Variants in ATG3 observed in about 807,000 individuals in gnomAD.
ATG3 encodes autophagy related 3, also known as ubiquitin-like-conjugating enzyme ATG3.
In ATG3, 25 loss-of-function variants were observed where a neutral mutation model predicts 50.7. The ratio of observed to expected loss-of-function variants is 0.49; its 90% CI spans 0.36 to 0.69. The LOEUF is 0.69. ATG3 is among the 30% of genes least tolerant of loss of function. The probability of loss-of-function intolerance (pLI) is 0.00; values close to 1 mark genes in which losing one functional copy is unlikely to be tolerated. For missense variants in ATG3, 281 were observed against 376.0 expected (o/e 0.75, Z 2.09); for synonymous variants, 119 against 125.5 (o/e 0.95, Z 0.34).
chr3:112,544,064 T>G lies in ATG3; in HGVS notation c.386A>C (p.Glu129Ala). ...TAACTAATTAACCAGTACCTTATTTTCCAGTGTGATCTCTTTAACGGCTTC... is the reference window on the plus strand; with the variant it reads ...TAACTAATTAACCAGTACCTTATTTGCCAGTGTGATCTCTTTAACGGCTTC... ...ITEAVKEITL[E>A]NKDNIRLQDC... is the part of the protein sequence containing the mutation. Residue 129 changes from glutamate (E) to alanine (A), a missense_variant, in exon 6 of 12, where the codon GAA becomes GCA. Glu to Ala is a moderately radical substitution (Grantham distance 107). Transcript: ENST00000283290. 1.3e-6 allele frequency: 2 copies of G among 1,597,714 alleles called. No individual in the cohort carries two copies. The highest frequency in any genetic ancestry group is 1.7e-6 in the Non-Finnish European group (2 of 1,166,158).
At chr3:112,543,929 A>C in intron 6 of ATG3, 128 bp downstream of exon 6, 1 of 605,106 alleles carries the variant, frequency 1.7e-6, no homozygotes. Context: ...GGAATTTAAA[A>C]GAGCTTGATA....
chr3:112,538,132 C>A lies in ATG3; in HGVS notation c.510+14G>T. ...TCCATTAAAAATTAACTAAAGAAAA[C>A]TCAATTTACAAACCTCATCTGTTTC... On this transcript the variant is annotated intron_variant, in intron 8 of 11. Transcript: ENST00000283290. The A allele has an allele frequency of 6.4e-7, 1 of 1,558,282 alleles. No homozygotes were observed.
At chr3:112,550,414 A>G in intron 3 of ATG3, 152 bp from the exon 4 acceptor site, 1 of 610,548 alleles carries the variant, frequency 1.6e-6, no homozygotes, top group Non-Finnish European at 2.8e-6. Flanking sequence ...CCATTAAGTA[A>G]TACATGTCAG....
At chr3:112,541,436 TAGAA>T (rs1377136771) in intron 7 of ATG3, among the ~76,000 whole-genome samples, 1 of 151,900 alleles carries the variant, frequency 6.6e-6, no homozygotes, top group African/African-American at 2.4e-5. Flanking sequence ...CAGGTTTTAA[TAGAA>T]AGATGCTATC....
At position 112,561,556 on chromosome 3, in the gene ATG3, G is replaced by A. The variant is rs1306051754; in HGVS notation, c.-28C>T. On this transcript the variant is annotated 5_prime_UTR_variant, in exon 1 of 12. Coordinates refer to ENST00000283290, the MANE Select transcript of ATG3 (RefSeq NM_022488.5). Reference sequence around the variant, plus strand: ...TGGGGCCGGAGTAGCGGCCGGCCCCGCGACGGGATGGAAAGTGCAGCCGTG... The same window carrying A: ...TGGGGCCGGAGTAGCGGCCGGCCCCACGACGGGATGGAAAGTGCAGCCGTG... 5.6e-6 allele frequency: 9 copies of A among 1,601,130 alleles called. No individual in the cohort carries two copies. Among genetic ancestry groups the A allele is most frequent in the Admixed American group, 5.1e-5 (3 of 59,368 alleles).
At chr3:112,550,409 A>G in intron 3 of ATG3, 147 bp from the exon 4 acceptor site, 1 of 625,990 alleles carries the variant, frequency 1.6e-6, no homozygotes, top group Non-Finnish European at 2.7e-6. Flanking sequence ...GGACTCCATT[A>G]AGTAATACAT....
At chr3:112,548,737 T>C in intron 4 of ATG3, 97 bp from the exon 5 acceptor site, 1 of 971,576 alleles carries the variant, frequency 1.0e-6, no homozygotes, top group East Asian at 2.5e-5. Context: ...ATAGGGTGTT[T>C]ATACCACCAA....
chr3:112,554,573 T>A (rs1223907546), intron 2 of ATG3, among the ~76,000 whole-genome samples: 1 of 152,222 alleles, frequency 6.6e-6, no homozygotes, highest in African/African-American at 2.4e-5. Flanking sequence ...ATAAACAGCC[T>A]TGTTGCTCAC....
At chr3:112,536,442 T>A (rs1393187120) in intron 10 of ATG3, 33 bp downstream of exon 10, 2 of 1,601,598 alleles carry the variant, frequency 1.2e-6, no homozygotes, top group Admixed American at 3.3e-5. Flanking sequence ...TACAATCACA[T>A]CAAAAAATAT....
chr3:112,552,683 T>G lies in ATG3; in HGVS notation c.164+597A>C, dbSNP rs537370448. Among the ~76,000 whole-genome samples, 200 of 149,708 alleles carry G rather than the reference T, an allele frequency of 1.3e-3. 1 individual carries two copies. The highest frequency in any genetic ancestry group is 4.7e-3 in the African/African-American group (191 of 40,798). ...TTTTTTTGAGACGGGAGCCTCTCAC[T>G]CTGTTGCCCAGGCTGGAGTGCAGTG... is the stretch of plus-strand genomic sequence containing the variant. On this transcript the variant is annotated intron_variant, in intron 3 of 11. Coordinates refer to ENST00000283290, the MANE Select transcript of ATG3 (RefSeq NM_022488.5).
intron 11 of ATG3, chr3:112,533,104 T>C: frequency 1.0e-6 from 1 of 1,000,918 alleles, no homozygotes. Flanking sequence ...ACTAGACTCC[T>C]TTAAGTTTGC....
intron 7 of ATG3, chr3:112,538,414 T>C: frequency 2.2e-6 from 1 of 444,604 alleles, no homozygotes; most frequent in Non-Finnish European, 4.0e-6. Context: ...GAGTCCTCAG[T>C]GGCTCCACAG....
intron 2 of ATG3, among the ~76,000 whole-genome samples, chr3:112,555,932 C>T (rs529587066): frequency 2.1e-4 from 32 of 152,314 alleles, no homozygotes; most frequent in Admixed American, 2.1e-3. Context: ...CCAATGACCA[C>T]AGACTTTGCA....
chr3:112,534,423 A>G, intron 10 of ATG3, 86 bp from the exon 11 acceptor site: 3 of 1,087,560 alleles, frequency 2.8e-6, no homozygotes, highest in Non-Finnish European at 3.8e-6. Flanking sequence ...AAAGAAATCG[A>G]CCCTATTACT....
Position 112,561,567 on chromosome 3 carries a change from G to T in ATG3, c.-39C>A, listed in dbSNP as rs754541563. 1 of 1,594,682 alleles carries T rather than the reference G, an allele frequency of 6.3e-7. No individual in the cohort carries two copies. Among genetic ancestry groups the T allele is most frequent in the Non-Finnish European group, 8.5e-7 (1 of 1,169,868 alleles). On this transcript the variant is annotated 5_prime_UTR_variant, in exon 1 of 12. Transcript: ENST00000283290. The stretch of plus-strand genomic sequence containing the variant: ...TAGCGGCCGGCCCCGCGACGGGATG[G>T]AAAGTGCAGCCGTGTCAGGGGCCAG...
chr3:112,557,451 C>T (rs1448480287), intron 2 of ATG3, among the ~76,000 whole-genome samples: 1 of 152,170 alleles, frequency 6.6e-6, no homozygotes, highest in Admixed American at 6.5e-5. Flanking sequence ...AACCCCATCT[C>T]TACTAAAAGT....
chr3:112,555,654 A>G (rs1291342006), intron 2 of ATG3, among the ~76,000 whole-genome samples: 5 of 152,332 alleles, frequency 3.3e-5, no homozygotes, highest in African/African-American at 9.6e-5. Context: ...CAGCAAGATG[A>G]AACAAATGAA....
chr3:112,540,778 A>G (rs940670163), intron 7 of ATG3, among the ~76,000 whole-genome samples: 3 of 152,186 alleles, frequency 2.0e-5, no homozygotes, highest in Non-Finnish European at 4.4e-5. Flanking sequence ...AAAGAGGAAG[A>G]TATGGTTAAC....
chr3:112,548,772 T>A, intron 4 of ATG3, 132 bp from the exon 5 acceptor site: 1 of 710,662 alleles, frequency 1.4e-6, no homozygotes, highest in Non-Finnish European at 2.4e-6. Context: ...ATTTCACTTT[T>A]AAAGGTGATT....
Sources: allele counts gnomAD v4.1 joint callset (sites outside exome capture counted in the v4.1 genomes callset), GRCh38; gene constraint gnomAD v4.1.1; transcripts MANE v1.5; gene names NCBI Gene and HGNC (gene_info 2026-07-23, HGNC 2026-07-21).